Variants in RERE observed in about 807,000 individuals in gnomAD.
RERE encodes the protein arginine-glutamic acid dipeptide repeats protein.
A neutral mutation model predicts 146.1 loss-of-function variants in RERE; 40 were observed. The ratio of observed to expected loss-of-function variants is 0.27; its 90% CI spans 0.21 to 0.36. RERE has a LOEUF of 0.36. RERE is among the 10% of genes least tolerant of loss of function. The pLI is 1.00. For missense variants in RERE, 1,933 were observed against 2,138.7 expected (o/e 0.90, Z 1.90); for synonymous variants, 1,003 against 866.0 (o/e 1.16, Z -2.78).
intron 4 of RERE, among the ~76,000 whole-genome samples, chr1:8,560,650 A>G (rs1225677120): frequency 1.3e-5 from 2 of 152,224 alleles, no homozygotes; most frequent in African/African-American, 2.4e-5. Flanking sequence ...AGAATAGAAA[A>G]GACAGAAAGC....
At position 8,557,422 on chromosome 1, in the gene RERE, T is replaced by C; in HGVS notation, c.624A>G (p.Glu208=). 1 of 1,584,666 alleles carries C rather than the reference T, an allele frequency of 6.3e-7. No homozygotes were observed. The highest frequency in any genetic ancestry group is 8.7e-7 in the Non-Finnish European group (1 of 1,153,260). ...YQHLVQDRHN[E]NDSGRELVIT... The stretch of plus-strand genomic sequence containing the variant: ...AAACCACAAGGACATATTTACCATT[T>C]TCATTATGTCGATCCTGAACCAAAT... Residue 208 remains glutamate (E), a synonymous_variant, in exon 5 of 23, where the codon GAA becomes GAG. Coordinates refer to ENST00000400908, the MANE Select transcript of RERE (RefSeq NM_001042681.2).
intron 1 of RERE, among the ~76,000 whole-genome samples, chr1:8,814,018 G>T (rs996869400): frequency 6.6e-6 from 1 of 152,116 alleles, no homozygotes; most frequent in Admixed American, 6.6e-5. Flanking sequence ...TTTTTGTTGT[G>T]AATTGGTTCT....
intron 12 of RERE, among the ~76,000 whole-genome samples, chr1:8,389,800 T>C (rs1642821218): frequency 6.6e-6 from 1 of 152,226 alleles, no homozygotes; most frequent in Non-Finnish European, 1.5e-5. Context: ...CGTTGTTTTG[T>C]ATACATTAAT....
chr1:8,472,673 G>C lies in RERE; in HGVS notation c.1105-6650C>G, dbSNP rs1267951560. On this transcript the variant is annotated intron_variant, in intron 10 of 22. Transcript: ENST00000400908. Reference sequence around the variant, plus strand: ...GTACATTTTGGAGCTACTGTAAAAAGATCAGTACAAAAAGCAGGGACCAAG... The same window carrying C: ...GTACATTTTGGAGCTACTGTAAAAACATCAGTACAAAAAGCAGGGACCAAG... Among the ~76,000 whole-genome samples, 3 of 152,126 alleles carry C rather than the reference G, an allele frequency of 2.0e-5. No individual in the cohort carries two copies. The East Asian group carries it at 5.8e-4, about 29-fold the overall frequency.
At chr1:8,631,095 A>C (rs1355874740) in intron 2 of RERE, among the ~76,000 whole-genome samples, 1 of 152,220 alleles carries the variant, frequency 6.6e-6, no homozygotes, top group Non-Finnish European at 1.5e-5. Flanking sequence ...GAGAACAAAC[A>C]AGTTGAGGGG....
chr1:8,626,463 A>C (rs905626400), intron 2 of RERE, among the ~76,000 whole-genome samples: 2 of 152,150 alleles, frequency 1.3e-5, no homozygotes, highest in African/African-American at 2.4e-5. Context: ...CACCATTTTC[A>C]AGTTCCCCTT....
chr1:8,477,849 T>C (rs914557047), intron 10 of RERE, among the ~76,000 whole-genome samples: 2 of 152,156 alleles, frequency 1.3e-5, no homozygotes, highest in Non-Finnish European at 2.9e-5. Flanking sequence ...GCAATGATAA[T>C]GAAGTTATGG....
In RERE at chr1:8,361,183, G is replaced by T; in HGVS notation, c.2324C>A (p.Pro775Gln). Reference sequence around the variant, plus strand: ...CTGGGAGGCCGTGGGGGAGCCCTGTGGGGGAACTGCAGTGGCAGAGGGCGT... The same window carrying T: ...CTGGGAGGCCGTGGGGGAGCCCTGTTGGGGAACTGCAGTGGCAGAGGGCGT... ...GPTPSATAVP[P>Q]QGSPTASQAP... The change falls in exon 18 of 23, where the codon CCA becomes CAA. Residue 775 changes from proline to glutamine, a missense_variant. Physicochemically the swap from Pro to Gln is moderately conservative, Grantham distance 76. This residue lies in a region of RERE where 1,255 missense variants were observed against 1,153.8 expected (regional missense o/e 1.09). Transcript: ENST00000400908. The T allele has an allele frequency of 6.8e-7, 1 of 1,470,864 alleles. No individual in the cohort carries two copies. Among genetic ancestry groups the T allele is most frequent in the Non-Finnish European group, 8.9e-7 (1 of 1,117,370 alleles). The allele number at this position is 1,470,864 out of a possible 1,614,324, so 91.1% of individuals were successfully genotyped here.
intron 1 of RERE, among the ~76,000 whole-genome samples, chr1:8,690,695 G>A (rs79270989): frequency 6.6e-5 from 10 of 152,156 alleles, no homozygotes; most frequent in Admixed American, 3.9e-4. Flanking sequence ...CTAGTTTCAC[G>A]GGTCACACAG....
intron 7 of RERE, among the ~76,000 whole-genome samples, chr1:8,510,878 C>T (rs1178241065): frequency 1.3e-5 from 2 of 152,140 alleles, no homozygotes; most frequent in Admixed American, 1.3e-4. Context: ...ATCATGGCTA[C>T]ACTGTTAAGT....
At chr1:8,438,354 A>T (rs1644199136) in intron 11 of RERE, among the ~76,000 whole-genome samples, 1 of 152,236 alleles carries the variant, frequency 6.6e-6, no homozygotes, top group Non-Finnish European at 1.5e-5. Flanking sequence ...ATGTATATAC[A>T]TACGAAGAGG....
chr1:8,370,814 A>G (rs74049619), intron 12 of RERE, among the ~76,000 whole-genome samples: 3,557 of 152,338 alleles, frequency 0.023, 131 homozygotes, highest in African/African-American at 0.081. Context: ...AAATTCAGGG[A>G]ACAAAAGCTG....
At chr1:8,658,048 C>A (rs1334171583) in intron 1 of RERE, among the ~76,000 whole-genome samples, 6 of 152,130 alleles carry the variant, frequency 3.9e-5, no homozygotes, top group Non-Finnish European at 8.8e-5. Flanking sequence ...AAAAGTGAAT[C>A]CCAAACTCCA....
At chr1:8,676,707 G>C (rs1175323013) in intron 1 of RERE, among the ~76,000 whole-genome samples, 3 of 152,154 alleles carry the variant, frequency 2.0e-5, no homozygotes, top group African/African-American at 4.8e-5. Context: ...ATCCCTCTGT[G>C]GTCCCCAGGG....
chr1:8,485,618 A>G (rs980175802), intron 10 of RERE, among the ~76,000 whole-genome samples: 4 of 152,214 alleles, frequency 2.6e-5, no homozygotes, highest in African/African-American at 4.8e-5. Context: ...TAGACAAAAC[A>G]GACTTCAAGA....
At chr1:8,791,812 T>G (rs2124575858) in intron 1 of RERE, among the ~76,000 whole-genome samples, 1 of 151,738 alleles carries the variant, frequency 6.6e-6, no homozygotes. Context: ...AACCTATAAC[T>G]CTTTAAGAGT....
chr1:8,433,640 A>T (rs1644126707), intron 11 of RERE, among the ~76,000 whole-genome samples: 1 of 148,178 alleles, frequency 6.7e-6, no homozygotes, highest in South Asian at 2.1e-4. Flanking sequence ...GGCTCACTGC[A>T]AGCTCCGCTT....
intron 4 of RERE, among the ~76,000 whole-genome samples, chr1:8,561,595 C>CAAA (rs556523355): frequency 1.4e-3 from 207 of 152,324 alleles, no homozygotes; most frequent in African/African-American, 4.8e-3. Flanking sequence ...CCTCCTCAAA[C>CAAA]AAAACCAAGT....
rs58064164 is a variant in RERE at position 8,516,227 on chromosome 1, G to GAAAAAAAAAAAAAAAAAAAAAA, written c.831-7574_831-7553dup. Among the ~76,000 whole-genome samples, 34 of 52,306 alleles carry GAAAAAAAAAAAAAAAAAAAAAA rather than the reference G, an allele frequency of 6.5e-4. 3 individuals carry two copies. Among genetic ancestry groups the GAAAAAAAAAAAAAAAAAAAAAA allele is most frequent in the South Asian group, 1.5e-3 (2 of 1,312 alleles). The allele number at this position is 52,306 out of a possible 152,430, so 34.3% of individuals were successfully genotyped here. A position where few individuals can be genotyped will look rare whatever the true frequency, so the allele number is the denominator to read the frequency against. ...GGGACGGAGCAAGACTCTCTCAGAG[G>GAAAAAAAAAAAAAAAAAAAAAA]AAAAAAAAAAAAAAAAAAAAAATCT... is the stretch of plus-strand genomic sequence containing the variant. On this transcript the variant is annotated intron_variant, in intron 7 of 22. Coordinates refer to ENST00000400908, the MANE Select transcript of RERE (RefSeq NM_001042681.2).
Sources: gnomAD v4.1 joint callset for allele counts (sites outside exome capture counted in the v4.1 genomes callset) on GRCh38, gnomAD v4.1.1 for gene constraint, gnomAD v4.1.1 regional missense constraint, MANE v1.5 for transcripts, NCBI Gene and HGNC (gene_info 2026-07-23, HGNC 2026-07-21) for gene names.